ROBO2: variants seen among roughly 807,000 people sequenced by gnomAD.
The protein encoded by ROBO2 is roundabout guidance receptor 2.
ROBO2 carries 53 observed loss-of-function variants against 160.8 expected under a neutral mutation model. The observed-to-expected ratio is 0.33, with a 90% confidence interval of 0.26 to 0.41. The LOEUF (loss-of-function observed/expected upper bound fraction) is 0.41, where lower values mean the gene tolerates loss of function less well. ROBO2 is among the 10% of genes least tolerant of loss of function. ROBO2 has a pLI of 1.00. For missense variants in ROBO2, 1,577 were observed against 1,722.4 expected (o/e 0.92, Z 1.49); for synonymous variants, 664 against 611.7 (o/e 1.09, Z -1.26).
chr3:76,972,816 C>T (rs2059635295), intron 2 of ROBO2, among the ~76,000 whole-genome samples: 1 of 152,086 alleles, frequency 6.6e-6, no homozygotes, highest in Non-Finnish European at 1.5e-5. Context: ...GTCTGGGCAA[C>T]AGAGTGAGAT....
intron 2 of ROBO2, among the ~76,000 whole-genome samples, chr3:77,468,644 T>C (rs1398548098): frequency 6.6e-6 from 1 of 152,206 alleles, no homozygotes; most frequent in African/African-American, 2.4e-5. Context: ...CCATTCCTCC[T>C]GTGTGAATTA....
chr3:76,368,472 A>G (rs1049548063), intron 2 of ROBO2, among the ~76,000 whole-genome samples: 1 of 151,908 alleles, frequency 6.6e-6, no homozygotes, highest in African/African-American at 2.4e-5. Flanking sequence ...AGGTTGAAGC[A>G]GCTTTACTCA....
At chr3:77,216,811 A>G (rs2085026590) in intron 2 of ROBO2, among the ~76,000 whole-genome samples, 1 of 152,184 alleles carries the variant, frequency 6.6e-6, no homozygotes, top group South Asian at 2.1e-4. Context: ...ACAAAATATT[A>G]TTTTGTTTTT....
At chr3:77,339,493 C>T (rs568662254) in intron 2 of ROBO2, among the ~76,000 whole-genome samples, 5 of 152,114 alleles carry the variant, frequency 3.3e-5, no homozygotes, top group South Asian at 2.1e-4. Flanking sequence ...CAGGAAATTT[C>T]GATGCAACTT....
chr3:77,359,084 C>T (rs2069551500), intron 2 of ROBO2, among the ~76,000 whole-genome samples: 1 of 152,110 alleles, frequency 6.6e-6, no homozygotes, highest in Admixed American at 6.6e-5. Context: ...CTTCCTGTCC[C>T]GACTTGAATA....
intron 2 of ROBO2, among the ~76,000 whole-genome samples, chr3:77,303,482 A>G (rs375446986): frequency 1.6e-4 from 24 of 152,202 alleles, no homozygotes; most frequent in East Asian, 1.2e-3. Context: ...GAAAATGTAT[A>G]CATTTATTCA....
At chr3:76,609,148 T>C (rs1304347920) in intron 2 of ROBO2, among the ~76,000 whole-genome samples, 1 of 152,228 alleles carries the variant, frequency 6.6e-6, no homozygotes, top group Non-Finnish European at 1.5e-5. Context: ...CTTGGCACCT[T>C]TGTTGAAAAT....
At chr3:76,351,320 G>A (rs76249751) in intron 2 of ROBO2, among the ~76,000 whole-genome samples, 1 of 151,910 alleles carries the variant, frequency 6.6e-6, no homozygotes, top group African/African-American at 2.4e-5. Context: ...TTATGGTGCT[G>A]GTAAATAATA....
At chr3:77,518,912 T>A (rs1375981202) in intron 5 of ROBO2, among the ~76,000 whole-genome samples, 1 of 151,468 alleles carries the variant, frequency 6.6e-6, no homozygotes, top group Non-Finnish European at 1.5e-5. Flanking sequence ...TTAGTTACTT[T>A]CCGTACTTAC....
intron 2 of ROBO2, among the ~76,000 whole-genome samples, chr3:77,415,086 C>G (rs528615559): frequency 2.0e-5 from 3 of 152,264 alleles, no homozygotes; most frequent in Admixed American, 2.0e-4. Flanking sequence ...TAGGGACATC[C>G]AGGAATATTC....
At chr3:75,986,862 T>C (rs975836331) in intron 2 of ROBO2, among the ~76,000 whole-genome samples, 1 of 151,768 alleles carries the variant, frequency 6.6e-6, no homozygotes, top group Non-Finnish European at 1.5e-5. Flanking sequence ...GGACCCATGG[T>C]CAAAAATCAT....
chr3:76,065,446 TC>T (rs1282289201), intron 2 of ROBO2, among the ~76,000 whole-genome samples: 3 of 152,152 alleles, frequency 2.0e-5, no homozygotes, highest in Non-Finnish European at 2.9e-5. Flanking sequence ...AATAATTACT[TC>T]CAAATCGATA....
intron 2 of ROBO2, among the ~76,000 whole-genome samples, chr3:76,219,403 A>C (rs1024764903): frequency 1.3e-5 from 2 of 152,228 alleles, no homozygotes; most frequent in Non-Finnish European, 2.9e-5. Flanking sequence ...ACAGCATGGG[A>C]GAAAATTTTT....
rs549317237 is a variant in ROBO2, at chr3:76,616,852, C to T, written c.110-481162C>T. ...TCATAGTGCACTACAGCTCAAACTCCGGGGCCCAAGTGATCCTCCTGCCTT... is the reference window on the plus strand; with the variant it reads ...TCATAGTGCACTACAGCTCAAACTCTGGGGCCCAAGTGATCCTCCTGCCTT... On this transcript the variant is annotated intron_variant, in intron 2 of 26. Coordinates refer to the ROBO2 transcript ENST00000487694. Among the ~76,000 whole-genome samples the T allele has an allele frequency of 1.2e-4, 18 of 152,176 alleles. No individual in the cohort carries two copies. The South Asian group carries it at 3.5e-3, about 30-fold the overall frequency.
chr3:76,670,747 TTA>T (rs2092233958), intron 2 of ROBO2, among the ~76,000 whole-genome samples: 1 of 151,782 alleles, frequency 6.6e-6, no homozygotes, highest in African/African-American at 2.4e-5. Context: ...TATTTTACCC[TTA>T]TATTAATTAT....
At chr3:76,355,853 T>G (rs1327498429) in intron 2 of ROBO2, among the ~76,000 whole-genome samples, 2 of 151,724 alleles carry the variant, frequency 1.3e-5, no homozygotes, top group African/African-American at 4.8e-5. Flanking sequence ...GCTTTTGGAA[T>G]TATTGAATTG....
intron 2 of ROBO2, among the ~76,000 whole-genome samples, chr3:77,388,909 A>G (rs1357443358): frequency 2.0e-5 from 3 of 152,230 alleles, no homozygotes; most frequent in Non-Finnish European, 4.4e-5. Flanking sequence ...TTCAGAGTTT[A>G]CGTCAGAGGG....
chr3:76,180,094 T>G (rs1246343593), intron 2 of ROBO2, among the ~76,000 whole-genome samples: 1 of 152,144 alleles, frequency 6.6e-6, no homozygotes, highest in Non-Finnish European at 1.5e-5. Context: ...TTTCTATCCT[T>G]CAAGATTCAG....
chr3:77,145,538 T>C (rs932036007), intron 2 of ROBO2, among the ~76,000 whole-genome samples: 6 of 152,112 alleles, frequency 3.9e-5, no homozygotes, highest in Admixed American at 3.9e-4. Context: ...GTTAATATTG[T>C]TTAGGCTTTT....
Sources: allele counts gnomAD v4.1 joint callset (sites outside exome capture counted in the v4.1 genomes callset), GRCh38; gene constraint gnomAD v4.1.1; transcripts MANE v1.5; gene names NCBI Gene and HGNC (gene_info 2026-07-23, HGNC 2026-07-21).